Variants in CERS6 observed in about 807,000 individuals in gnomAD.
CERS6 encodes the protein ceramide synthase 6.
CERS6 carries 26 observed loss-of-function variants against 56.8 expected under a neutral mutation model. The ratio of observed to expected loss-of-function variants is 0.46; its 90% CI spans 0.34 to 0.63. The LOEUF is 0.63. CERS6 is among the 30% of genes least tolerant of loss of function. The pLI is 0.01. For missense variants in CERS6, 415 were observed against 467.5 expected (o/e 0.89, Z 1.04); for synonymous variants, 164 against 173.3 (o/e 0.95, Z 0.42).
intron 3 of CERS6, among the ~76,000 whole-genome samples, chr2:168,584,612 TG>T (rs1683497453): frequency 6.6e-6 from 1 of 152,236 alleles, no homozygotes; most frequent in South Asian, 2.1e-4. Flanking sequence ...CCAACGACTC[TG>T]TCAAAACAGA....
intron 1 of CERS6, among the ~76,000 whole-genome samples, chr2:168,535,438 T>G (rs73020590): frequency 0.011 from 1,650 of 152,090 alleles, 32 homozygotes; most frequent in African/African-American, 0.037. Context: ...CTTCCCTTGG[T>G]TGGGGGGAGA....
chr2:168,713,494 A>G (rs1687145961), intron 6 of CERS6, among the ~76,000 whole-genome samples: 1 of 152,182 alleles, frequency 6.6e-6, no homozygotes, highest in South Asian at 2.1e-4. Flanking sequence ...TAAAAGAGAC[A>G]CTATATTTCT....
At chr2:168,647,454 C>G (rs1291049966) in intron 4 of CERS6, among the ~76,000 whole-genome samples, 1 of 152,140 alleles carries the variant, frequency 6.6e-6, no homozygotes, top group East Asian at 1.9e-4. Context: ...ATCATGTTGT[C>G]TGCAAACAGA....
At chr2:168,743,931 C>G (rs1684005489) in intron 8 of CERS6, among the ~76,000 whole-genome samples, 1 of 149,658 alleles carries the variant, frequency 6.7e-6, no homozygotes, top group African/African-American at 2.5e-5. Flanking sequence ...CCACCCCCCA[C>G]CACCACCAAA....
At chr2:168,459,326 T>A (rs575561443) in intron 1 of CERS6, among the ~76,000 whole-genome samples, 1 of 152,390 alleles carries the variant, frequency 6.6e-6, no homozygotes, top group African/African-American at 2.4e-5. Flanking sequence ...ATCAAAGAAT[T>A]GACTGAAATG....
chr2:168,725,402 C>T (rs1683321558), intron 8 of CERS6, among the ~76,000 whole-genome samples: 1 of 152,266 alleles, frequency 6.6e-6, no homozygotes, highest in African/African-American at 2.4e-5. Context: ...GGAGCCCAGG[C>T]ACAGGAGGCG....
intron 7 of CERS6, among the ~76,000 whole-genome samples, chr2:168,716,662 C>T (rs531964418): frequency 4.1e-4 from 63 of 152,132 alleles, no homozygotes; most frequent in African/African-American, 1.2e-3. Context: ...AGCTTATTTA[C>T]TGAATACTGG....
chr2:168,533,144 T>C (rs1368301547), intron 1 of CERS6, among the ~76,000 whole-genome samples: 2 of 152,248 alleles, frequency 1.3e-5, no homozygotes, highest in Admixed American at 6.5e-5. Context: ...GTTGTGTATC[T>C]TGCATTTTAT....
intron 1 of CERS6, among the ~76,000 whole-genome samples, chr2:168,508,710 G>A (rs903029309): frequency 6.6e-6 from 1 of 151,916 alleles, no homozygotes; most frequent in Non-Finnish European, 1.5e-5. Context: ...AGGCCCTGTC[G>A]GGGGGTGGGG....
chr2:168,763,136 C>G lies in CERS6; in HGVS notation c.846-2456C>G, dbSNP rs147717763. On this transcript the variant is annotated intron_variant, in intron 8 of 9. Transcript: ENST00000305747. Reference sequence around the variant, plus strand: ...AGCAATCCTCCTACCTCAGCCCCCCCAAAGTGCTGGGATTACAGGAGTGAG... The same window carrying G: ...AGCAATCCTCCTACCTCAGCCCCCCGAAAGTGCTGGGATTACAGGAGTGAG... 3.0e-3 allele frequency among the ~76,000 whole-genome samples: 463 copies of G among 152,264 alleles called. 2 individuals are homozygous for G. The highest frequency in any genetic ancestry group is 0.01 in the African/African-American group (429 of 41,570).
chr2:168,504,137 G>T (rs538392133), intron 1 of CERS6, among the ~76,000 whole-genome samples: 4 of 152,150 alleles, frequency 2.6e-5, no homozygotes, highest in African/African-American at 7.2e-5. Flanking sequence ...CAGGGTGGGC[G>T]TGGTGGCTCA....
chr2:168,565,519 T>C (rs1242317022), intron 3 of CERS6, among the ~76,000 whole-genome samples: 1 of 152,172 alleles, frequency 6.6e-6, no homozygotes, highest in Non-Finnish European at 1.5e-5. Context: ...ATCTATATAA[T>C]TTTTCTATTA....
chr2:168,599,258 A>T (rs1683876459), intron 3 of CERS6, among the ~76,000 whole-genome samples: 1 of 152,156 alleles, frequency 6.6e-6, no homozygotes, highest in Non-Finnish European at 1.5e-5. Context: ...TTCTCCCCCC[A>T]ATCCTCTCAC....
At chr2:168,733,329 T>C (rs1187992787) in intron 8 of CERS6, among the ~76,000 whole-genome samples, 1 of 152,226 alleles carries the variant, frequency 6.6e-6, no homozygotes, top group Non-Finnish European at 1.5e-5. Context: ...CAGGATACGC[T>C]TCTCTGGACC....
At position 168,654,165 on chromosome 2, in the gene CERS6, T is replaced by G. The variant is rs73970087; in HGVS notation, c.465+23123T>G. Among the ~76,000 whole-genome samples the G allele has an allele frequency of 8.3e-3, 1,260 of 152,304 alleles. 20 individuals are homozygous for G. Among genetic ancestry groups the G allele is most frequent in the African/African-American group, 0.029 (1,201 of 41,554 alleles). On this transcript the variant is annotated intron_variant, in intron 4 of 9. Transcript: ENST00000305747. The stretch of plus-strand genomic sequence containing the variant: ...TTAGGTAAAATGATTTAGATTTTGT[T>G]TTTAGTTATTAAAATAGGTGTTGCT...
rs1011310763 is a variant in CERS6 at position 168,745,857 on chromosome 2, G to A, written c.846-19735G>A. 3.3e-5 allele frequency among the ~76,000 whole-genome samples: 5 copies of A among 152,112 alleles called. No homozygotes were observed. In the East Asian group the frequency reaches 5.8e-4, roughly 18 times the overall value. ...CTCTCTTTCTCTTCCTACCTTCAAC[G>A]TCATCAAGCACTCTGAGGGGCTTAT... On this transcript the variant is annotated intron_variant, in intron 8 of 9. Coordinates refer to ENST00000305747, the MANE Select transcript of CERS6 (RefSeq NM_203463.3).
chr2:168,524,832 AAATT>A (rs1285063927), intron 1 of CERS6, among the ~76,000 whole-genome samples: 1 of 151,226 alleles, frequency 6.6e-6, no homozygotes, highest in Non-Finnish European at 1.5e-5. Context: ...ATAGCTAATA[AAATT>A]AATTATAGTA....
intron 8 of CERS6, among the ~76,000 whole-genome samples, chr2:168,743,230 A>C (rs1683978447): frequency 7.9e-6 from 1 of 126,302 alleles, no homozygotes; most frequent in African/African-American, 2.6e-5. Context: ...GTGTGTATAT[A>C]TATATGTGTG....
intron 3 of CERS6, among the ~76,000 whole-genome samples, chr2:168,578,019 G>T (rs751867744): frequency 3.3e-5 from 5 of 152,158 alleles, no homozygotes; most frequent in South Asian, 4.1e-4. Context: ...CAGGAGTGGG[G>T]TGGAAACTTC....
Sources: allele counts gnomAD v4.1 joint callset (sites outside exome capture counted in the v4.1 genomes callset), GRCh38; gene constraint gnomAD v4.1.1; transcripts MANE v1.5; gene names NCBI Gene and HGNC (gene_info 2026-07-23, HGNC 2026-07-21).